Variants in CFAP100 observed in about 807,000 individuals in gnomAD.
The protein encoded by CFAP100 is cilia and flagella associated protein 100, also known as cilia- and flagella-associated protein 100.
In CFAP100, 70 loss-of-function variants were observed where a neutral mutation model predicts 81.5. That is an observed-to-expected ratio of 0.86 (90% CI 0.71 to 1.05). The LOEUF (loss-of-function observed/expected upper bound fraction) is 1.05, where lower values mean the gene tolerates loss of function less well. CFAP100 is among the 50% of genes least tolerant of loss of function. The pLI, the probability that CFAP100 is intolerant of heterozygous loss-of-function variation, is 0.00. For synonymous variants in CFAP100, 341 were observed against 314.8 expected (o/e 1.08, Z -0.88); for missense variants, 811 against 776.5 (o/e 1.04, Z -0.53).
At chr3:126,427,694 T>A (rs1417754017) in intron 13 of CFAP100, among the ~76,000 whole-genome samples, 2 of 152,256 alleles carry the variant, frequency 1.3e-5, no homozygotes, top group Non-Finnish European at 2.9e-5. Context: ...TGAGACTTCC[T>A]CTTGCTCCAA....
intron 2 of CFAP100, among the ~76,000 whole-genome samples, chr3:126,398,660 T>G (rs184033080): frequency 6.6e-6 from 1 of 152,176 alleles, no homozygotes; most frequent in Non-Finnish European, 1.5e-5. Flanking sequence ...GGAGTTTAAT[T>G]TGGCAGTGTG....
chr3:126,415,549 G>A (rs1038820846), intron 4 of CFAP100, among the ~76,000 whole-genome samples: 6 of 152,156 alleles, frequency 3.9e-5, no homozygotes, highest in Non-Finnish European at 7.3e-5. Context: ...TGATGGGGAC[G>A]TGCATTCCAG....
In CFAP100 at chr3:126,436,326, A is replaced by G. The variant is rs770200376; in HGVS notation, c.1758A>G (p.Pro586=). 5 of 1,614,018 alleles carry G rather than the reference A, an allele frequency of 3.1e-6. No homozygotes were observed. Among genetic ancestry groups the G allele is most frequent in the African/African-American group, 1.3e-5 (1 of 75,022 alleles). The change falls in exon 17 of 17, where the codon CCA becomes CCG. Residue 586 remains proline, a synonymous_variant. Transcript: ENST00000352312. The part of the protein sequence containing the change: ...GRTLVCRSRP[P]AHRIKQQSEH... ...CACTGGTATGCCGCTCACGACCCCC[A>G]GCCCACAGGATCAAACAACAGTCTG...
Position 126,420,213 on chromosome 3 carries a change from G to C in CFAP100, c.1066G>C (p.Gly356Arg). Residue 356 changes from glycine to arginine, a missense_variant, in exon 11 of 17, where the codon GGT becomes CGT. Physicochemically the swap from Gly to Arg is moderately radical, Grantham distance 125 (BLOSUM62 -2). Coordinates refer to ENST00000352312, the MANE Select transcript of CFAP100 (RefSeq NM_182628.3). ...AGGCAGCCAGCCCAGCGAGTCCAGC[G>C]GTGGCGACTCCAGAGGGTGAGTGGG... ...QQGSQPSESS[G>R]GDSRGSNSPI... is the part of the protein sequence containing the mutation. The C allele has an allele frequency of 1.9e-6, 3 of 1,612,448 alleles. No individual in the cohort carries two copies. The highest frequency in any genetic ancestry group is 2.2e-5 in the South Asian group (2 of 91,026).
chr3:126,418,655 G>A lies in CFAP100; in HGVS notation c.531G>A (p.Thr177=), dbSNP rs568253105. 1.0e-5 allele frequency: 16 copies of A among 1,586,062 alleles called. No homozygotes were observed. In the East Asian group the frequency reaches 1.4e-4, roughly 14 times the overall value. ...VKRREIQRLE[T]LATKEEARLE... is the part of the protein sequence containing the mutation. ...GGAGAGAGATCCAGCGGCTGGAGAC[G>A]CTGGCGACCAAAGAGGAGGCCAGGC... Residue 177 remains threonine, a synonymous_variant, in exon 7 of 17, where the codon ACG becomes ACA. Coordinates refer to ENST00000352312, the MANE Select transcript of CFAP100 (RefSeq NM_182628.3).
chr3:126,433,247 G>A, intron 14 of CFAP100, 43 bp downstream of exon 14: 3 of 1,607,818 alleles, frequency 1.9e-6, no homozygotes, highest in Non-Finnish European at 2.6e-6. Flanking sequence ...GGGTAAGGAG[G>A]GACCCTTGGG....
At chr3:126,417,025 G>A (rs1036990629) in intron 5 of CFAP100, among the ~76,000 whole-genome samples, 9 of 152,224 alleles carry the variant, frequency 5.9e-5, no homozygotes, top group Non-Finnish European at 8.8e-5. Flanking sequence ...TCCTGGATAA[G>A]GGAGGCTGCT....
At chr3:126,418,354 C>A in intron 5 of CFAP100, 104 bp from the exon 6 acceptor site, 1 of 1,000,554 alleles carries the variant, frequency 1.0e-6, no homozygotes, top group Non-Finnish European at 1.6e-6. Context: ...GGCGTGGACG[C>A]AAAGCAGTGG....
At position 126,434,393 on chromosome 3, in the gene CFAP100, G is replaced by T; in HGVS notation, c.1628+12G>T. 2 of 1,607,024 alleles carry T rather than the reference G, an allele frequency of 1.2e-6. No homozygotes were observed. The highest frequency in any genetic ancestry group is 1.7e-6 in the Non-Finnish European group (2 of 1,175,862). ...GAGCGGCGCATCAGGTGAGCTCTAG[G>T]CTCTCCCTGCCAGCTGCTGTGTCCT... On this transcript the variant is annotated intron_variant, in intron 15 of 16. Transcript: ENST00000352312.
At chr3:126,401,142 A>G (rs976907732) in intron 2 of CFAP100, among the ~76,000 whole-genome samples, 3 of 151,828 alleles carry the variant, frequency 2.0e-5, no homozygotes, top group Non-Finnish European at 2.9e-5. Context: ...TCAGAGTCAT[A>G]GAGACAGAAG....
At chr3:126,408,543 G>A (rs2083104923) in intron 3 of CFAP100, among the ~76,000 whole-genome samples, 1 of 152,134 alleles carries the variant, frequency 6.6e-6, no homozygotes, top group African/African-American at 2.4e-5. Context: ...GCATTTGTGT[G>A]TCTGCTTCCT....
At chr3:126,411,464 T>C (rs898163911) in intron 3 of CFAP100, among the ~76,000 whole-genome samples, 5 of 150,970 alleles carry the variant, frequency 3.3e-5, no homozygotes, top group Non-Finnish European at 1.5e-5. Context: ...TCTCAATATT[T>C]TGGAATAGTT....
At chr3:126,399,059 C>T (rs1209473508) in intron 2 of CFAP100, among the ~76,000 whole-genome samples, 2 of 152,204 alleles carry the variant, frequency 1.3e-5, no homozygotes, top group African/African-American at 4.8e-5. Flanking sequence ...CTCCCTCACA[C>T]CCCACAGGAG....
intron 2 of CFAP100, among the ~76,000 whole-genome samples, chr3:126,397,085 G>A (rs781035805): frequency 6.9e-5 from 10 of 144,594 alleles, no homozygotes; most frequent in East Asian, 2.1e-4. Context: ...TTTCTTACAC[G>A]GAGATCACAC....
intron 2 of CFAP100, among the ~76,000 whole-genome samples, chr3:126,404,015 T>C (rs1401586668): frequency 6.6e-6 from 1 of 152,170 alleles, no homozygotes; most frequent in East Asian, 1.9e-4. Context: ...TGTCCATCAA[T>C]ATAATAGATG....
chr3:126,432,777 A>T (rs1933282941), intron 13 of CFAP100: 1 of 265,744 alleles, frequency 3.8e-6, no homozygotes, highest in Admixed American at 5.0e-5. Context: ...GAATATATAA[A>T]AAATTACTGA....
At chr3:126,432,179 T>C (rs1450115326) in intron 13 of CFAP100, among the ~76,000 whole-genome samples, 4 of 147,500 alleles carry the variant, frequency 2.7e-5, no homozygotes, top group African/African-American at 1.0e-4. Flanking sequence ...CTCAGGAGGC[T>C]GAGGCAGGAG....
At position 126,416,398 on chromosome 3, in the gene CFAP100, G is replaced by C. The variant is rs374713719; in HGVS notation, c.308G>C (p.Arg103Pro). Residue 103 changes from arginine to proline, a missense_variant, in exon 5 of 17, where the codon CGG (arginine) becomes CCG (proline). Coordinates refer to ENST00000352312, the MANE Select transcript of CFAP100 (RefSeq NM_182628.3). ...GTGTCGGCTAAGCACACCAGCCTGC[G>C]GCGGCAGCTGCAGCTGGAGGACAAG... ...SKVSAKHTSLRRQLQLEDKQE... is the reference protein window; with the variant it reads ...SKVSAKHTSLPRQLQLEDKQE... 1 of 1,612,174 alleles carries C rather than the reference G, an allele frequency of 6.2e-7. No homozygotes were observed. The highest frequency in any genetic ancestry group is 1.1e-5 in the South Asian group (1 of 90,982).
chr3:126,409,937 A>T (rs1351403748), intron 3 of CFAP100, among the ~76,000 whole-genome samples: 1 of 152,180 alleles, frequency 6.6e-6, no homozygotes, highest in Non-Finnish European at 1.5e-5. Context: ...ACAGTGGCTC[A>T]CCCCTGTAAT....
Sources: gnomAD v4.1 joint callset for allele counts (sites outside exome capture counted in the v4.1 genomes callset) on GRCh38, gnomAD v4.1.1 for gene constraint, MANE v1.5 for transcripts, NCBI Gene and HGNC (gene_info 2026-07-23, HGNC 2026-07-21) for gene names.